Variants in LMNTD1 observed in about 807,000 individuals in gnomAD.
LMNTD1 encodes lamin tail domain containing 1.
Under a neutral mutation model 50.9 loss-of-function variants are expected in LMNTD1, and 35 were observed. That is an observed-to-expected ratio of 0.69 (90% CI 0.53 to 0.91). The LOEUF (loss-of-function observed/expected upper bound fraction) is 0.91. Among genes scored for constraint, LMNTD1 ranks in the 40% least tolerant of loss-of-function variants. The pLI, the probability that LMNTD1 is intolerant of heterozygous loss-of-function variation, is 0.00. For synonymous variants in LMNTD1, 153 were observed against 161.9 expected, an observed-to-expected ratio of 0.94 and a Z score of 0.42; for missense variants, 470 against 475.5, an observed-to-expected ratio of 0.99 and a Z score of 0.11.
chr12:25,504,174 C>A (rs1939570649), intron 8 of LMNTD1, among the ~76,000 whole-genome samples: 1 of 152,248 alleles, frequency 6.6e-6, no homozygotes, highest in South Asian at 2.1e-4. Context: ...ATTTTACCAG[C>A]CTGTAAAATT....
chr12:25,586,735 C>A (rs1303640489), intron 1 of LMNTD1, among the ~76,000 whole-genome samples: 2 of 152,162 alleles, frequency 1.3e-5, no homozygotes, highest in Admixed American at 1.3e-4. Flanking sequence ...TAGGAAGGGG[C>A]TGAGTCTCTG....
chr12:25,583,683 G>C (rs577106329), intron 1 of LMNTD1, among the ~76,000 whole-genome samples: 2 of 152,322 alleles, frequency 1.3e-5, no homozygotes, highest in East Asian at 1.9e-4. Flanking sequence ...CAAGTGCAGA[G>C]ATCTGAGATA....
chr12:25,559,874 C>T (rs1018311263), intron 1 of LMNTD1, among the ~76,000 whole-genome samples: 3 of 152,132 alleles, frequency 2.0e-5, no homozygotes, highest in Non-Finnish European at 2.9e-5. Context: ...ATATCCTTTG[C>T]CCACTTTTTG....
chr12:25,523,907 G>A (rs1464115474), intron 6 of LMNTD1, among the ~76,000 whole-genome samples: 2 of 152,070 alleles, frequency 1.3e-5, no homozygotes, highest in Non-Finnish European at 2.9e-5. Flanking sequence ...CCTATTGAGA[G>A]GCAAGAGCAT....
chr12:25,627,123 TAA>T (rs1946607136), intron 1 of LMNTD1, among the ~76,000 whole-genome samples: 1 of 152,196 alleles, frequency 6.6e-6, no homozygotes, highest in South Asian at 2.1e-4. Context: ...TTGTACACGC[TAA>T]CAAGAGGGTT....
At chr12:25,592,663 G>A (rs1164801811) in intron 1 of LMNTD1, 1 of 152,510 alleles carries the variant, frequency 6.6e-6, no homozygotes, top group Non-Finnish European at 1.5e-5. Context: ...CAGGGAGCAG[G>A]AAACCTCTAG....
intron 1 of LMNTD1, among the ~76,000 whole-genome samples, chr12:25,609,300 C>T (rs768404917): frequency 4.6e-5 from 7 of 152,082 alleles, no homozygotes; most frequent in Non-Finnish European, 8.8e-5. Flanking sequence ...TTTGTTAATA[C>T]TGACCTTCTG....
intron 1 of LMNTD1, among the ~76,000 whole-genome samples, chr12:25,560,564 TTTCCAA>T (rs1944261812): frequency 6.6e-6 from 1 of 152,238 alleles, no homozygotes; most frequent in Non-Finnish European, 1.5e-5. Context: ...AAGTAGTTTT[TTTCCAA>T]TTCTGTGAAG....
chr12:25,527,024 T>C (rs1226249977), intron 4 of LMNTD1, 69 bp from the exon 5 acceptor site: 3 of 1,104,198 alleles, frequency 2.7e-6, no homozygotes, highest in Non-Finnish European at 3.9e-6. Flanking sequence ...CTTTAAGAAG[T>C]GATTAATAAA....
chr12:25,534,016 C>T (rs1942401958), intron 4 of LMNTD1, among the ~76,000 whole-genome samples: 1 of 152,160 alleles, frequency 6.6e-6, no homozygotes, highest in Non-Finnish European at 1.5e-5. Context: ...AGTTAGCCTT[C>T]TTAATATAGT....
At chr12:25,484,018 T>C (rs1417217293) in intron 9 of LMNTD1, among the ~76,000 whole-genome samples, 1 of 151,922 alleles carries the variant, frequency 6.6e-6, no homozygotes, top group Non-Finnish European at 1.5e-5. Context: ...ACTTGACAGA[T>C]GACTGAGAAA....
At chr12:25,524,710 A>G (rs1475667526) in intron 6 of LMNTD1, among the ~76,000 whole-genome samples, 2 of 149,994 alleles carry the variant, frequency 1.3e-5, no homozygotes, top group Non-Finnish European at 2.9e-5. Context: ...TATGAGGCTG[A>G]GTAAATAACT....
At chr12:25,501,593 T>G (rs1430983490) in intron 9 of LMNTD1, among the ~76,000 whole-genome samples, 1 of 152,154 alleles carries the variant, frequency 6.6e-6, no homozygotes, top group African/African-American at 2.4e-5. Context: ...ACTATCTAAG[T>G]GACTTTGGGC....
At chr12:25,506,212 G>A (rs569898101) in intron 8 of LMNTD1, among the ~76,000 whole-genome samples, 19 of 152,188 alleles carry the variant, frequency 1.2e-4, no homozygotes, top group Non-Finnish European at 2.1e-4. Context: ...GGTTATCTAT[G>A]TTCTGCTTTT....
intron 8 of LMNTD1, among the ~76,000 whole-genome samples, chr12:25,506,973 G>T (rs901125161): frequency 3.9e-5 from 6 of 151,922 alleles, no homozygotes; most frequent in Admixed American, 2.0e-4. Flanking sequence ...TCCACCTCCC[G>T]GGTTCAAGCA....
intron 1 of LMNTD1, among the ~76,000 whole-genome samples, chr12:25,561,912 A>G (rs181092662): frequency 6.6e-6 from 1 of 151,916 alleles, no homozygotes; most frequent in East Asian, 1.9e-4. Context: ...TGTCTCTTTG[A>G]TCTTCGTTGG....
intron 1 of LMNTD1, among the ~76,000 whole-genome samples, chr12:25,565,558 A>G (rs552042438): frequency 6.6e-6 from 1 of 152,274 alleles, no homozygotes; most frequent in East Asian, 1.9e-4. Context: ...TGTCATGAAA[A>G]GTTGTTGTAG....
chr12:25,553,068 C>T lies in LMNTD1; in HGVS notation c.-31+1G>A, dbSNP rs760488875. 3 of 1,612,864 alleles carry T rather than the reference C, an allele frequency of 1.9e-6. No homozygotes were observed. The highest frequency in any genetic ancestry group is 2.2e-5 in the East Asian group (1 of 44,870). ...GATTTTTCTTTTCAAAGTGACCTCA[C>T]CTGTTAATCCAACTACCTTCAAGCA... On this transcript the variant is annotated splice_donor_variant, in intron 1 of 9. Coordinates refer to ENST00000458174, the MANE Select transcript of LMNTD1 (RefSeq NM_001145728.2). LOFTEE classifies it low-confidence loss of function (5UTR_SPLICE).
At chr12:25,641,472 G>T (rs1946958497) in intron 1 of LMNTD1, among the ~76,000 whole-genome samples, 1 of 152,140 alleles carries the variant, frequency 6.6e-6, no homozygotes, top group African/African-American at 2.4e-5. Context: ...CCTGAGGTAA[G>T]TATTTAAGCC....
Sources: allele counts gnomAD v4.1 joint callset (sites outside exome capture counted in the v4.1 genomes callset), GRCh38; gene constraint gnomAD v4.1.1; transcripts MANE v1.5; gene names NCBI Gene and HGNC (gene_info 2026-07-23, HGNC 2026-07-21).